Variants in CDC73 observed in about 807,000 individuals in gnomAD.
The protein encoded by CDC73 is cell division cycle 73.
Under a neutral mutation model 83.7 loss-of-function variants are expected in CDC73, and 21 were observed. The observed-to-expected ratio is 0.25, with a 90% CI of 0.18 to 0.36. CDC73 has a LOEUF of 0.36. CDC73 is among the 10% of genes least tolerant of loss of function. The pLI is 1.00. For missense variants in CDC73, 342 were observed against 653.3 expected, an observed-to-expected ratio of 0.52 and a Z score of 5.19; for synonymous variants, 224 against 212.9, an observed-to-expected ratio of 1.05 and a Z score of -0.45.
chr1:193,235,507 T>C (rs1169704409), intron 14 of CDC73, among the ~76,000 whole-genome samples: 1 of 152,244 alleles, frequency 6.6e-6, no homozygotes, highest in Non-Finnish European at 1.5e-5. Flanking sequence ...TTCCCACCGC[T>C]TTAGTTATTG....
rs548839217 is a variant in CDC73 at position 193,151,066 on chromosome 1, G to A, written c.907+684G>A. On this transcript the variant is annotated intron_variant, in intron 9 of 16. Transcript: ENST00000367435. ...GACTTACTTTGTGATAGTCTACGTG[G>A]TATTCTGGCTAATGCAATAACACCA... is the stretch of plus-strand genomic sequence containing the variant. 2.6e-5 allele frequency among the ~76,000 whole-genome samples: 4 copies of A among 152,270 alleles called. No homozygotes were observed. In the South Asian group the frequency reaches 6.2e-4, roughly 24 times the overall value.
chr1:193,246,958 T>G (rs1677965044), intron 15 of CDC73, among the ~76,000 whole-genome samples: 1 of 152,160 alleles, frequency 6.6e-6, no homozygotes, highest in Non-Finnish European at 1.5e-5. Flanking sequence ...ATTCACTAGG[T>G]CACTTTTGTT....
intron 10 of CDC73, among the ~76,000 whole-genome samples, chr1:193,184,845 T>C (rs369619198): frequency 2.6e-4 from 40 of 152,108 alleles, no homozygotes; most frequent in East Asian, 2.3e-3. Flanking sequence ...AATCTTCATT[T>C]TGGAATGCAG....
At chr1:193,152,842 C>T (rs542968099) in intron 10 of CDC73, among the ~76,000 whole-genome samples, 5 of 152,050 alleles carry the variant, frequency 3.3e-5, no homozygotes, top group South Asian at 2.1e-4. Context: ...TGCAGTGGTG[C>T]GATCTCGGCT....
At chr1:193,223,234 T>A (rs1400614905) in intron 13 of CDC73, among the ~76,000 whole-genome samples, 1 of 22,054 alleles carries the variant, frequency 4.5e-5, no homozygotes, top group Non-Finnish European at 1.4e-4. Flanking sequence ...GTTCATTTTA[T>A]TTTTTTTTTA....
At chr1:193,150,872 T>G (rs914625942) in intron 9 of CDC73, among the ~76,000 whole-genome samples, 8 of 152,248 alleles carry the variant, frequency 5.3e-5, no homozygotes, top group African/African-American at 1.9e-4. Flanking sequence ...ATTCCCAGAA[T>G]AGTATCTGAT....
intron 5 of CDC73, 29 bp downstream of exon 5, chr1:193,135,618 A>T (rs748367546): frequency 2.7e-6 from 4 of 1,508,524 alleles, no homozygotes; most frequent in Non-Finnish European, 3.7e-6. Flanking sequence ...AAACAATTTT[A>T]TTTATATTGT....
At chr1:193,194,332 A>G (rs1676965970) in intron 10 of CDC73, among the ~76,000 whole-genome samples, 2 of 152,204 alleles carry the variant, frequency 1.3e-5, no homozygotes. Context: ...CCTGAGAGGC[A>G]GTGATTTTCT....
intron 9 of CDC73, 27 bp downstream of exon 9, chr1:193,150,409 C>T (rs1359039907): frequency 2.0e-6 from 3 of 1,480,732 alleles, no homozygotes; most frequent in Non-Finnish European, 2.8e-6. Context: ...TTATCTTCCC[C>T]TTAGTGTGGT....
At chr1:193,123,258 T>G (rs1675498143) in intron 1 of CDC73, among the ~76,000 whole-genome samples, 1 of 152,180 alleles carries the variant, frequency 6.6e-6, no homozygotes, top group Non-Finnish European at 1.5e-5. Flanking sequence ...GAGGGAGTCT[T>G]GCTCTGTCGC....
At chr1:193,181,290 C>T in intron 10 of CDC73, 1 of 1,614,084 alleles carries the variant, frequency 6.2e-7, no homozygotes, top group Non-Finnish European at 8.5e-7. Flanking sequence ...TTTGAGGCCT[C>T]AGGGTTTGAG....
chr1:193,123,282 C>T (rs1052649595), intron 1 of CDC73, among the ~76,000 whole-genome samples: 3 of 152,168 alleles, frequency 2.0e-5, no homozygotes, highest in Non-Finnish European at 4.4e-5. Flanking sequence ...GGCTGGAGTG[C>T]AGTGGCGCGA....
chr1:193,193,741 A>G (rs556163754), intron 10 of CDC73, among the ~76,000 whole-genome samples: 2 of 150,494 alleles, frequency 1.3e-5, no homozygotes, highest in East Asian at 3.9e-4. Flanking sequence ...TGTCTCCAGA[A>G]TTTATAACGT....
intron 11 of CDC73, among the ~76,000 whole-genome samples, chr1:193,208,815 G>GT (rs1677230928): frequency 6.6e-6 from 1 of 151,938 alleles, no homozygotes; most frequent in Non-Finnish European, 1.5e-5. Context: ...AAGCGCAGCA[G>GT]TTTCTTCCCG....
intron 10 of CDC73, among the ~76,000 whole-genome samples, chr1:193,183,461 C>T (rs1676753529): frequency 6.7e-6 from 1 of 148,528 alleles, no homozygotes; most frequent in Non-Finnish European, 1.5e-5. Context: ...AATTTAAACT[C>T]AGCATTAGTG....
At chr1:193,139,040 C>T (rs1675854064) in intron 6 of CDC73, among the ~76,000 whole-genome samples, 1 of 152,224 alleles carries the variant, frequency 6.6e-6, no homozygotes, top group South Asian at 2.1e-4. Flanking sequence ...TCCCAAAGTG[C>T]TGGGATTACA....
Position 193,136,727 on chromosome 1 carries a change from G to A in CDC73, c.423+1138G>A, listed in dbSNP as rs925093414. On this transcript the variant is annotated intron_variant, in intron 5 of 16. Coordinates refer to ENST00000367435, the MANE Select transcript of CDC73 (RefSeq NM_024529.5). ...CTTATATGAAAGGAGATTGTGACCT[G>A]TGGTAAACAATGTGTATGAATTTAG... 1.9e-5 allele frequency: 3 copies of A among 159,060 alleles called. No individual in the cohort carries two copies. In the Admixed American group the frequency reaches 2.0e-4, roughly 10 times the overall value. 9.9% of individuals were successfully genotyped at this position (159,060 alleles called of 1,614,324 possible).
At chr1:193,170,261 T>C (rs1243929665) in intron 10 of CDC73, among the ~76,000 whole-genome samples, 1 of 152,228 alleles carries the variant, frequency 6.6e-6, no homozygotes, top group Non-Finnish European at 1.5e-5. Context: ...AATATACGCA[T>C]GCATGTGTCT....
At position 193,246,076 on chromosome 1, in the gene CDC73, G is replaced by C. The variant is rs544780194; in HGVS notation, c.1418-3654G>C. ...GCAGATATTTTCTCCCATTCTTTAGGTTGTCTTTTCACTCTGTTGGTTGTT... is the reference window on the plus strand; with the variant it reads ...GCAGATATTTTCTCCCATTCTTTAGCTTGTCTTTTCACTCTGTTGGTTGTT... On this transcript the variant is annotated intron_variant, in intron 15 of 16. Coordinates refer to ENST00000367435, the MANE Select transcript of CDC73 (RefSeq NM_024529.5). Among the ~76,000 whole-genome samples, 288 of 151,978 alleles carry C rather than the reference G, an allele frequency of 1.9e-3. 3 individuals carry two copies. The highest frequency in any genetic ancestry group is 6.6e-3 in the African/African-American group (273 of 41,438).
Sources: gnomAD v4.1 joint callset for allele counts (sites outside exome capture counted in the v4.1 genomes callset) on GRCh38, gnomAD v4.1.1 for gene constraint, MANE v1.5 for transcripts, NCBI Gene and HGNC (gene_info 2026-07-23, HGNC 2026-07-21) for gene names.